ABCA9: variants seen among roughly 807,000 people sequenced by gnomAD.
ABCA9 encodes ATP-binding cassette sub-family A member 9.
A neutral mutation model predicts 205.3 loss-of-function variants in ABCA9; 183 were observed. That is an observed-to-expected ratio of 0.89 (90% CI 0.79 to 1.01). ABCA9 has a LOEUF of 1.01. Among genes scored for constraint, ABCA9 ranks in the 50% least tolerant of loss-of-function variants. ABCA9 has a pLI of 0.00. For synonymous variants in ABCA9, 651 were observed against 683.3 expected, an observed-to-expected ratio of 0.95 and a Z score of 0.74; for missense variants, 1,805 against 1,912.4, an observed-to-expected ratio of 0.94 and a Z score of 1.05.
At chr17:69,070,724 G>A in the ABCA9 span, among the ~76,000 whole-genome samples, 73 of 152,292 alleles carry the variant, frequency 4.8e-4, no homozygotes, top group Non-Finnish European at 9.3e-4. Context: ...GTGGCACCTG[G>A]AACGCCAGTG....
intron 1 of ABCA9, among the ~76,000 whole-genome samples, chr17:69,053,271 T>C (rs977910574): frequency 6.6e-6 from 1 of 152,124 alleles, no homozygotes; most frequent in East Asian, 1.9e-4. Context: ...CCATCAGATA[T>C]CTCATTAACA....
At chr17:69,007,660 A>C in intron 25 of ABCA9, 99 bp downstream of exon 25, 1 of 733,646 alleles carries the variant, frequency 1.4e-6, no homozygotes, top group Non-Finnish European at 2.3e-6. Flanking sequence ...AATTTTCTAG[A>C]GAGCAATAAT....
chr17:69,019,116 G>A lies in ABCA9; in HGVS notation c.2601-537C>T, dbSNP rs548672896. Among the ~76,000 whole-genome samples the A allele has an allele frequency of 2.0e-5, 3 of 151,974 alleles. No individual in the cohort carries two copies. The South Asian group carries it at 6.2e-4, about 32-fold the overall frequency. ...TCTTTATTGCTTGCCTCCAAACCTT[G>A]TTCTCTCTTCCTCTTCTTAAGTTGG... is the stretch of plus-strand genomic sequence containing the variant. On this transcript the variant is annotated intron_variant, in intron 19 of 38. Transcript: ENST00000340001.
intron 6 of ABCA9, chr17:69,043,209 A>C: frequency 3.2e-6 from 1 of 309,276 alleles, no homozygotes; most frequent in Non-Finnish European, 6.0e-6. Flanking sequence ...CACAGTTCAC[A>C]ATAGAGTTTG....
the ABCA9 span, among the ~76,000 whole-genome samples, chr17:69,067,923 A>T: frequency 6.6e-6 from 1 of 152,216 alleles, no homozygotes. Context: ...GTAGATGCTC[A>T]TCTCTGTGCA....
chr17:69,016,487 TAATAAGTCCC>T, intron 21 of ABCA9, 97 bp from the exon 22 acceptor site: 1 of 1,135,486 alleles, frequency 8.8e-7, no homozygotes, highest in Non-Finnish European at 1.2e-6. Flanking sequence ...ACTGATAATA[TAATAAGTCCC>T]AAGCACTGAA....
At chr17:69,011,513 T>C (rs1264129195) in intron 23 of ABCA9, among the ~76,000 whole-genome samples, 1 of 152,170 alleles carries the variant, frequency 6.6e-6, no homozygotes. Flanking sequence ...GCAGATAGAC[T>C]CTGTTACAGG....
chr17:69,013,393 C>T (rs1258478306), intron 22 of ABCA9, among the ~76,000 whole-genome samples: 1 of 152,082 alleles, frequency 6.6e-6, no homozygotes, highest in Non-Finnish European at 1.5e-5. Flanking sequence ...TGAGACATTA[C>T]AGCATATAAA....
In ABCA9 at chr17:68,992,199, A is replaced by G. The variant is rs1285909482; in HGVS notation, c.3692T>C (p.Leu1231Pro). The G allele has an allele frequency of 1.3e-6, 2 of 1,599,236 alleles. No individual in the cohort carries two copies. The highest frequency in any genetic ancestry group is 2.3e-5 in the South Asian group (2 of 87,534). ...CCTGAACACAGGATCCTTTCTCATT[A>G]GTTTCTTCCTGCAGTTCATTTCTAG... ...RCLEMNCRKK[L>P]MRKDPVFRIS... Residue 1231 changes from leucine to proline, a missense_variant, in exon 28 of 39, where the codon CTA becomes CCA. Transcript: ENST00000340001.
chr17:68,987,866 G>T (rs868275196), intron 31 of ABCA9, among the ~76,000 whole-genome samples: 1 of 151,834 alleles, frequency 6.6e-6, no homozygotes, highest in Non-Finnish European at 1.5e-5. Context: ...CCGGGTTCAA[G>T]CAATTCTCCT....
intron 26 of ABCA9, among the ~76,000 whole-genome samples, chr17:68,994,699 C>T (rs989711282): frequency 1.8e-4 from 27 of 152,282 alleles, no homozygotes; most frequent in African/African-American, 4.8e-4. Flanking sequence ...AACTCTCTGC[C>T]TCCTATGTTC....
intron 28 of ABCA9, among the ~76,000 whole-genome samples, 178 bp from the exon 29 acceptor site, chr17:68,991,135 G>C (rs781155472): frequency 6.6e-6 from 1 of 152,166 alleles, no homozygotes; most frequent in Non-Finnish European, 1.5e-5. Context: ...TCAGTGAGTA[G>C]AGTAATGATA....
chr17:69,043,382 G>T, intron 6 of ABCA9, 107 bp downstream of exon 6: 1 of 823,130 alleles, frequency 1.2e-6, no homozygotes, highest in Non-Finnish European at 1.9e-6. Flanking sequence ...CCATGGACCA[G>T]TAGCAGTCTG....
At chr17:69,055,702 A>T (rs1051622707) in intron 1 of ABCA9, among the ~76,000 whole-genome samples, 2 of 152,212 alleles carry the variant, frequency 1.3e-5, no homozygotes, top group South Asian at 4.1e-4. Context: ...ACTCAATAAC[A>T]GCAGGAAATT....
chr17:69,029,054 C>A, intron 11 of ABCA9, 115 bp downstream of exon 11: 1 of 520,234 alleles, frequency 1.9e-6, no homozygotes, highest in Non-Finnish European at 3.3e-6. Flanking sequence ...ATAATGTGTT[C>A]AAATAAAGGA....
intron 31 of ABCA9, 110 bp downstream of exon 31, chr17:68,988,917 C>A: frequency 1.5e-6 from 1 of 658,102 alleles, no homozygotes; most frequent in East Asian, 2.6e-5. Context: ...CTTCTTTATT[C>A]AATGCATAAA....
chr17:68,987,724 G>C (rs866894865), intron 31 of ABCA9, among the ~76,000 whole-genome samples: 3 of 151,542 alleles, frequency 2.0e-5, no homozygotes, highest in African/African-American at 4.8e-5. Flanking sequence ...AGATTGACAT[G>C]ACCTCATTTG....
intron 25 of ABCA9, among the ~76,000 whole-genome samples, chr17:69,005,112 G>T (rs553715851): frequency 2.0e-5 from 3 of 152,148 alleles, no homozygotes; most frequent in Admixed American, 6.5e-5. Context: ...GCTGTAGACC[G>T]GAGCTGTTCC....
intron 1 of ABCA9, among the ~76,000 whole-genome samples, chr17:69,058,836 C>A (rs1015955662): frequency 1.2e-3 from 158 of 127,124 alleles, no homozygotes; most frequent in South Asian, 1.8e-3. Flanking sequence ...GAGACTGTCT[C>A]AAAAAAAAAA....
Sources: allele counts gnomAD v4.1 joint callset (sites outside exome capture counted in the v4.1 genomes callset), GRCh38; gene constraint gnomAD v4.1.1; transcripts MANE v1.5; gene names NCBI Gene and HGNC (gene_info 2026-07-23, HGNC 2026-07-21).